GRM7: variants seen among roughly 807,000 people sequenced by gnomAD.
GRM7 encodes the protein metabotropic glutamate receptor 7.
Under a neutral mutation model 84.5 loss-of-function variants are expected in GRM7, and 35 were observed. The observed-to-expected ratio is 0.41, with a 90% CI of 0.32 to 0.55. The LOEUF (loss-of-function observed/expected upper bound fraction) is 0.55. Ranked by LOEUF, GRM7 falls within the 20% of genes least tolerant of loss-of-function variation. GRM7 has a pLI of 0.19. For synonymous variants in GRM7, 487 were observed against 455.1 expected (o/e 1.07, Z -0.89); for missense variants, 1,003 against 1,194.6 (o/e 0.84, Z 2.36).
intron 9 of GRM7, among the ~76,000 whole-genome samples, chr3:7,718,922 G>A (rs568589902): frequency 6.6e-6 from 1 of 152,340 alleles, no homozygotes; most frequent in East Asian, 1.9e-4. Context: ...GAAGTCTCTT[G>A]AAGGCTGGTG....
At chr3:7,420,184 A>G (rs1696337824) in intron 5 of GRM7, among the ~76,000 whole-genome samples, 1 of 152,182 alleles carries the variant, frequency 6.6e-6, no homozygotes, top group Admixed American at 6.5e-5. Flanking sequence ...TAGAGCCTAT[A>G]TAATTCGTTA....
chr3:7,281,482 T>C (rs990354428), intron 2 of GRM7, among the ~76,000 whole-genome samples: 8 of 152,334 alleles, frequency 5.3e-5, no homozygotes, highest in South Asian at 2.1e-4. Context: ...CTGTGTCACA[T>C]TGACAGATGA....
At chr3:7,050,921 C>G (rs1336666092) in intron 1 of GRM7, among the ~76,000 whole-genome samples, 1 of 151,808 alleles carries the variant, frequency 6.6e-6, no homozygotes, top group Non-Finnish European at 1.5e-5. Flanking sequence ...AATCAGAAGT[C>G]TACTTGTTTT....
chr3:6,905,771 C>A (rs751590747), intron 1 of GRM7, among the ~76,000 whole-genome samples: 8 of 152,072 alleles, frequency 5.3e-5, no homozygotes, highest in Non-Finnish European at 1.0e-4. Context: ...AAAGATAATT[C>A]TTATCTGGAT....
At position 7,455,365 on chromosome 3, in the gene GRM7, A is replaced by G. The variant is rs143551827; in HGVS notation, c.1375+2558A>G. On this transcript the variant is annotated intron_variant, in intron 6 of 9. Coordinates refer to ENST00000357716, the MANE Select transcript of GRM7 (RefSeq NM_000844.4). ...AAGATATTTGCATAGCCCTCAAAGT[A>G]CCTTTCACCAAGATACATATGAATA... is the stretch of plus-strand genomic sequence containing the variant. Among the ~76,000 whole-genome samples, 125 of 152,238 alleles carry G rather than the reference A, an allele frequency of 8.2e-4. 2 individuals are homozygous for G. Among genetic ancestry groups the G allele is most frequent in the Middle Eastern group, 3.4e-3 (1 of 294 alleles).
chr3:7,638,881 A>C (rs1698230131), intron 8 of GRM7, among the ~76,000 whole-genome samples: 1 of 152,162 alleles, frequency 6.6e-6, no homozygotes, highest in Admixed American at 6.5e-5. Context: ...AGAGCTAATG[A>C]TTTGGCAGAA....
At chr3:7,624,309 G>A (rs1287018571) in intron 8 of GRM7, among the ~76,000 whole-genome samples, 2 of 152,098 alleles carry the variant, frequency 1.3e-5, no homozygotes, top group African/African-American at 2.4e-5. Flanking sequence ...ATCTTAGCAT[G>A]AGGGATGCCA....
chr3:7,402,310 T>C (rs1292035005), intron 4 of GRM7, among the ~76,000 whole-genome samples: 1 of 152,152 alleles, frequency 6.6e-6, no homozygotes, highest in African/African-American at 2.4e-5. Flanking sequence ...TGGAAGTGAT[T>C]TCCTAGAAAA....
intron 4 of GRM7, among the ~76,000 whole-genome samples, chr3:7,348,803 A>C (rs1467854357): frequency 1.3e-5 from 2 of 152,114 alleles, no homozygotes; most frequent in Admixed American, 6.6e-5. Context: ...CAAGCCCTCC[A>C]AGTGATCCGG....
intron 1 of GRM7, among the ~76,000 whole-genome samples, chr3:6,957,633 C>G (rs1207553442): frequency 2.0e-5 from 3 of 152,200 alleles, no homozygotes. Context: ...ATTTACCCTC[C>G]TCTCATTTGC....
At chr3:7,371,275 G>A (rs1261111266) in intron 4 of GRM7, among the ~76,000 whole-genome samples, 1 of 152,136 alleles carries the variant, frequency 6.6e-6, no homozygotes, top group East Asian at 1.9e-4. Context: ...AAGTTAGCTG[G>A]CCATGGACAA....
intron 1 of GRM7, among the ~76,000 whole-genome samples, chr3:7,073,828 C>T (rs1026388759): frequency 2.0e-5 from 3 of 149,626 alleles, no homozygotes; most frequent in South Asian, 2.1e-4. Context: ...GGTTTATGGT[C>T]TTAGAGTAGA....
At chr3:7,172,509 C>T (rs1004289322) in intron 2 of GRM7, among the ~76,000 whole-genome samples, 2 of 151,892 alleles carry the variant, frequency 1.3e-5, no homozygotes, top group Non-Finnish European at 2.9e-5. Context: ...GCTCACCAAC[C>T]CCAGGACATC....
chr3:7,072,013 G>A (rs371940921), intron 1 of GRM7, among the ~76,000 whole-genome samples: 2 of 152,052 alleles, frequency 1.3e-5, no homozygotes, highest in East Asian at 1.9e-4. Context: ...CATGACAATG[G>A]CAAGGAAGCA....
At chr3:7,014,249 G>A (rs913870067) in intron 1 of GRM7, among the ~76,000 whole-genome samples, 12 of 152,154 alleles carry the variant, frequency 7.9e-5, no homozygotes, top group Admixed American at 1.3e-4. Context: ...AGACTTTCTT[G>A]CTTTGAGCCA....
intron 8 of GRM7, among the ~76,000 whole-genome samples, chr3:7,625,823 T>G (rs550210311): frequency 6.6e-6 from 1 of 152,302 alleles, no homozygotes; most frequent in South Asian, 2.1e-4. Context: ...AAGGTAGGAC[T>G]TCTAAAGAGA....
chr3:7,320,912 G>A (rs568832098), intron 4 of GRM7, among the ~76,000 whole-genome samples: 1 of 152,088 alleles, frequency 6.6e-6, no homozygotes, highest in Non-Finnish European at 1.5e-5. Context: ...ATTTTAAAGT[G>A]AAAGATTGTA....
intron 1 of GRM7, among the ~76,000 whole-genome samples, chr3:7,112,434 C>CACA (rs1251752270): frequency 6.6e-6 from 1 of 152,048 alleles, no homozygotes; most frequent in East Asian, 1.9e-4. Context: ...CCATGTTAGC[C>CACA]AGGATGGTCT....
intron 1 of GRM7, among the ~76,000 whole-genome samples, chr3:6,878,362 A>AT (rs1695387694): frequency 2.2e-5 from 3 of 133,738 alleles, no homozygotes; most frequent in South Asian, 2.5e-4. Context: ...TCAAAGGGTG[A>AT]TTTTTTATGT....
Sources: gnomAD v4.1 joint callset for allele counts (sites outside exome capture counted in the v4.1 genomes callset) on GRCh38, gnomAD v4.1.1 for gene constraint, MANE v1.5 for transcripts, NCBI Gene and HGNC (gene_info 2026-07-23, HGNC 2026-07-21) for gene names.